The following ZNF534 variants were observed in gnomAD, a reference collection of about 807,000 sequenced individuals.
The protein encoded by ZNF534 is zinc finger protein 534.
ZNF534 carries 19 observed loss-of-function variants against 13.6 expected under a neutral mutation model. The observed-to-expected ratio is 1.40, with a 90% confidence interval of 0.97 to 2.05. The LOEUF (loss-of-function observed/expected upper bound fraction) is 2.05, where lower values mean the gene tolerates loss of function less well. Among genes scored for constraint, ZNF534 ranks in the 30% most tolerant of loss-of-function variants. The probability of loss-of-function intolerance (pLI) is 0.00; values close to 1 mark genes in which losing one functional copy is unlikely to be tolerated. For synonymous variants in ZNF534, 244 were observed against 273.8 expected (o/e 0.89, Z 1.07); for missense variants, 782 against 796.3 (o/e 0.98, Z 0.22).
intron 2 of ZNF534, among the ~76,000 whole-genome samples, chr19:52,432,341 T>A (rs887665357): frequency 2.6e-5 from 4 of 152,224 alleles, no homozygotes; most frequent in Admixed American, 1.3e-4. Flanking sequence ...GCTGATCTGT[T>A]ACTTAACTGT....
Position 52,439,867 on chromosome 19 carries a change from G to A in ZNF534, c.*421G>A, listed in dbSNP as rs1256468447. Among the ~76,000 whole-genome samples the A allele has an allele frequency of 5.9e-5, 9 of 152,084 alleles. No individual in the cohort carries two copies. Among genetic ancestry groups the A allele is most frequent in the East Asian group, 1.9e-4 (1 of 5,150 alleles). On this transcript the variant is annotated 3_prime_UTR_variant, in exon 5 of 5. Transcript: ENST00000433050. ...CCAGATCACCTGAGGTTAGAAGTTC[G>A]AGACCAGCCTGACCAACATGGAGAA... is the stretch of plus-strand genomic sequence containing the variant.
chr19:52,444,395 G>A (rs991122305), downstream of ZNF534, among the ~76,000 whole-genome samples: 9 of 152,158 alleles, frequency 5.9e-5, no homozygotes, highest in African/African-American at 1.7e-4. Context: ...ACCTGCTCCA[G>A]TGTAGGTGGC....
downstream of ZNF534, among the ~76,000 whole-genome samples, chr19:52,443,023 ATTG>A (rs769016930): frequency 3.9e-4 from 59 of 152,280 alleles, no homozygotes; most frequent in African/African-American, 5.5e-4. Context: ...GAAGAGAATA[ATTG>A]TTGTTAGGTA....
intron 4 of ZNF534, among the ~76,000 whole-genome samples, 165 bp from the exon 5 acceptor site, chr19:52,437,567 C>T (rs1005996613): frequency 6.6e-6 from 1 of 152,178 alleles, no homozygotes; most frequent in Non-Finnish European, 1.5e-5. Flanking sequence ...TGCAATCACA[C>T]CATTGCACTC....
rs1311389924 is a variant in ZNF534 at position 52,438,499 on chromosome 19, G to C, written c.1039G>C (p.Val347Leu). 1 of 1,589,866 alleles carries C rather than the reference G, an allele frequency of 6.3e-7. No individual in the cohort carries two copies. Among genetic ancestry groups the C allele is most frequent in the South Asian group, 1.1e-5 (1 of 88,668 alleles). ...HKSSLTTHQT[V>L]HTGERPYKCN... Reference sequence around the variant, plus strand: ...GTCTTCCCTAACCACTCATCAGACAGTTCATACTGGAGAGAGACCATACAA... The same window carrying C: ...GTCTTCCCTAACCACTCATCAGACACTTCATACTGGAGAGAGACCATACAA... The change falls in exon 5 of 5, where the codon GTT becomes CTT. Residue 347 changes from valine to leucine, a missense_variant. Val to Leu is a conservative substitution (Grantham distance 32). This residue lies in a region of ZNF534 where 591 missense variants were observed against 574.0 expected (regional missense o/e 1.03). Transcript: ENST00000433050.
intron 1 of ZNF534, among the ~76,000 whole-genome samples, chr19:52,431,094 G>A (rs1312639231): frequency 1.3e-5 from 2 of 151,950 alleles, no homozygotes; most frequent in African/African-American, 4.8e-5. Flanking sequence ...CTCATGATCT[G>A]CCCACCTCGG....
rs1304713655 is a variant in ZNF534, at chr19:52,439,433, G to T, written c.1973G>T (p.Arg658Ile). ...ILVQHCSIHT[R>I]EKP The stretch of plus-strand genomic sequence containing the variant: ...GTACAACATTGCAGTATTCATACCA[G>T]AGAGAAGCCTTAAAAATTTAGTGAA... The change falls in exon 5 of 5, where the codon AGA becomes ATA. Residue 658 changes from arginine to isoleucine, a missense_variant. Coordinates refer to ENST00000433050, the MANE Select transcript of ZNF534 (RefSeq NM_001143938.3). 1.3e-6 allele frequency: 2 copies of T among 1,515,718 alleles called. No individual in the cohort carries two copies. Among genetic ancestry groups the T allele is most frequent in the Non-Finnish European group, 1.8e-6 (2 of 1,130,000 alleles). The allele number at this position is 1,515,718 out of a possible 1,614,324, so 93.9% of individuals were successfully genotyped here. A position where few individuals can be genotyped will look rare whatever the true frequency, so the allele number is the denominator to read the frequency against.
At chr19:52,435,022 A>C in intron 3 of ZNF534, 59 bp from the exon 4 acceptor site, 1 of 1,561,446 alleles carries the variant, frequency 6.4e-7, no homozygotes, top group Non-Finnish European at 8.6e-7. Context: ...CTACCTAAAT[A>C]TAGGGCTTGG....
rs774501334 is a variant in ZNF534 at position 52,438,609 on chromosome 19, A to G, written c.1149A>G (p.Lys383=). ...TTCATACTGGAGAGAAACCTTACAA[A>G]TGTAATGAGTGTGGCAAGGTCTTTA... ...RKVHTGEKPY[K]CNECGKVFIG... Residue 383 remains lysine (K), a synonymous_variant, in exon 5 of 5, where the codon AAA becomes AAG. Transcript: ENST00000433050. 1 of 1,589,602 alleles carries G rather than the reference A, an allele frequency of 6.3e-7. No individual in the cohort carries two copies.
At chr19:52,434,222 G>A (rs928433843) in intron 3 of ZNF534, 141 bp downstream of exon 3, 70 of 1,311,080 alleles carry the variant, frequency 5.3e-5, no homozygotes, top group East Asian at 9.9e-5. Context: ...CAGGCCAGGC[G>A]CAGTGGCTCA....
chr19:52,437,199 G>C (rs1440423289), intron 4 of ZNF534, among the ~76,000 whole-genome samples: 7 of 152,216 alleles, frequency 4.6e-5, no homozygotes, highest in Non-Finnish European at 8.8e-5. Flanking sequence ...AGTTACTCTT[G>C]TATTTGTCAG....
At chr19:52,434,162 C>T (rs1479642596) in intron 3 of ZNF534, 81 bp downstream of exon 3, 2 of 1,548,404 alleles carry the variant, frequency 1.3e-6, no homozygotes, top group African/African-American at 2.8e-5. Flanking sequence ...TCTCGGGAGC[C>T]CCTGCATTGC....
At chr19:52,433,896 C>G in intron 2 of ZNF534, 59 bp from the exon 3 acceptor site, 1 of 1,598,680 alleles carries the variant, frequency 6.3e-7, no homozygotes, top group Non-Finnish European at 8.6e-7. Context: ...TCTTCTCATT[C>G]TGTTTGAAGA....
chr19:52,445,087 C>G (rs2059189562), downstream of ZNF534, among the ~76,000 whole-genome samples: 1 of 152,206 alleles, frequency 6.6e-6, no homozygotes, highest in African/African-American at 2.4e-5. Context: ...GTGGCCTTTT[C>G]CCAGTGCCTC....
rs1250160898 is a variant in ZNF534, at chr19:52,439,134, C to T, written c.1674C>T (p.Val558=). The part of the protein sequence containing the change: ...KPYSCNECGK[V]FSRNSHLARH... ...ACAGTTGTAATGAATGTGGCAAGGTCTTCAGTCGGAATTCACACCTTGCGC... is the reference window on the plus strand; with the variant it reads ...ACAGTTGTAATGAATGTGGCAAGGTTTTCAGTCGGAATTCACACCTTGCGC... The change falls in exon 5 of 5, where the codon GTC becomes GTT. Residue 558 remains valine, a synonymous_variant. Transcript: ENST00000433050. 3 of 1,594,954 alleles carry T rather than the reference C, an allele frequency of 1.9e-6. No individual in the cohort carries two copies. The highest frequency in any genetic ancestry group is 2.3e-5 in the East Asian group (1 of 43,466).
chr19:52,438,629 T>C lies in ZNF534; in HGVS notation c.1169T>C (p.Val390Ala). Residue 390 changes from valine to alanine, a missense_variant, in exon 5 of 5, where the codon GTC becomes GCC. Val to Ala is a moderately conservative substitution (Grantham distance 64). This residue lies in a region of ZNF534 where 591 missense variants were observed against 574.0 expected (regional missense o/e 1.03). Coordinates refer to ENST00000433050, the MANE Select transcript of ZNF534 (RefSeq NM_001143938.3). ...KPYKCNECGK[V>A]FIGNSRLARH... The stretch of plus-strand genomic sequence containing the variant: ...TACAAATGTAATGAGTGTGGCAAGG[T>C]CTTTATTGGCAATTCACGCCTTGCA... 1.9e-6 allele frequency: 3 copies of C among 1,589,136 alleles called. No individual in the cohort carries two copies. The highest frequency in any genetic ancestry group is 2.6e-6 in the Non-Finnish European group (3 of 1,166,570).
rs775911844 is a variant in ZNF534 at position 52,435,229 on chromosome 19, G to A, written c.271+20G>A. 2.5e-5 allele frequency: 40 copies of A among 1,594,926 alleles called. No individual in the cohort carries two copies. The highest frequency in any genetic ancestry group is 3.4e-5 in the Non-Finnish European group (40 of 1,171,922). Reference sequence around the variant, plus strand: ...ACACAGGTGAGAGCTCAGGTGGGCAGAGTGGAGGCCCCATAATTTTTGTAT... The same window carrying A: ...ACACAGGTGAGAGCTCAGGTGGGCAAAGTGGAGGCCCCATAATTTTTGTAT... On this transcript the variant is annotated intron_variant, in intron 4 of 4. Transcript: ENST00000433050.
At chr19:52,433,652 C>T (rs1361667783) in intron 2 of ZNF534, among the ~76,000 whole-genome samples, 3 of 152,226 alleles carry the variant, frequency 2.0e-5, no homozygotes, top group East Asian at 1.9e-4. Context: ...AGGCATGAGC[C>T]GCCGTGCCCG....
At chr19:52,434,688 G>A (rs1230126382) in intron 3 of ZNF534, among the ~76,000 whole-genome samples, 6 of 145,324 alleles carry the variant, frequency 4.1e-5, no homozygotes, top group East Asian at 2.0e-4. Context: ...CTGAGATCAT[G>A]CCACTGCACT....
Sources: allele counts gnomAD v4.1 joint callset (sites outside exome capture counted in the v4.1 genomes callset), GRCh38; gene constraint gnomAD v4.1.1; regional missense constraint gnomAD v4.1.1; transcripts MANE v1.5; gene names NCBI Gene and HGNC (gene_info 2026-07-23, HGNC 2026-07-21).